The following ANKRD42 variants were observed in gnomAD, a reference collection of about 807,000 sequenced individuals.
ANKRD42 encodes ankyrin repeat domain-containing protein 42.
In ANKRD42, 43 loss-of-function variants were observed where a neutral mutation model predicts 51.5. The ratio of observed to expected loss-of-function variants is 0.83; its 90% CI spans 0.65 to 1.08. The LOEUF is 1.08. Ranked by LOEUF, ANKRD42 falls within the 50% of genes least tolerant of loss-of-function variation. The pLI is 0.00. For synonymous variants in ANKRD42, 203 were observed against 213.0 expected (o/e 0.95, Z 0.41); for missense variants, 608 against 629.3 (o/e 0.97, Z 0.36).
At chr11:83,249,620 T>C (rs887088736), downstream of ANKRD42, among the ~76,000 whole-genome samples, 1 of 152,234 alleles carries the variant, frequency 6.6e-6, no homozygotes, top group African/African-American at 2.4e-5. Context: ...GGTTTCATAC[T>C]TCACAGTTTT....
At chr11:83,227,631 G>T in intron 6 of ANKRD42, 116 bp from the exon 7 acceptor site, 1 of 1,069,540 alleles carries the variant, frequency 9.3e-7, no homozygotes, top group Non-Finnish European at 1.3e-6. Flanking sequence ...GAACTCATCC[G>T]ATTACAACAG....
chr11:83,233,972 G>A (rs551571150), intron 7 of ANKRD42, among the ~76,000 whole-genome samples: 29 of 152,264 alleles, frequency 1.9e-4, no homozygotes, highest in Admixed American at 1.2e-3. Context: ...CATGAGCCAC[G>A]GTGCCCGGCC....
intron 6 of ANKRD42, among the ~76,000 whole-genome samples, chr11:83,226,279 C>T (rs1426510991): frequency 6.6e-6 from 1 of 152,080 alleles, no homozygotes; most frequent in Admixed American, 6.6e-5. Flanking sequence ...TGATCCCTAG[C>T]ATATAGGTGA....
intron 8 of ANKRD42, among the ~76,000 whole-genome samples, chr11:83,236,739 G>A (rs1863236014): frequency 6.6e-6 from 1 of 152,140 alleles, no homozygotes; most frequent in Admixed American, 6.5e-5. Context: ...TCATGGGAGG[G>A]GTCTTTGGAA....
At chr11:83,254,290 T>A (rs1007024363) in intron 11 of ANKRD42, among the ~76,000 whole-genome samples, 1 of 152,064 alleles carries the variant, frequency 6.6e-6, no homozygotes, top group Non-Finnish European at 1.5e-5. Flanking sequence ...CTGGAAGTCA[T>A]AACTCTATTA....
At chr11:83,240,649 G>A (rs1389297291) in intron 8 of ANKRD42, 110 bp from the exon 9 acceptor site, 3 of 1,216,900 alleles carry the variant, frequency 2.5e-6, no homozygotes, top group Admixed American at 2.7e-5. Context: ...TGGCTGGTGA[G>A]TGGATTGATG....
At chr11:83,226,629 A>G (rs2135530233) in intron 6 of ANKRD42, among the ~76,000 whole-genome samples, 1 of 152,346 alleles carries the variant, frequency 6.6e-6, no homozygotes, top group South Asian at 2.1e-4. Flanking sequence ...AAACAGACAT[A>G]CAGATCAGTA....
rs11403803 is a variant in ANKRD42 at position 83,228,231 on chromosome 11, CTTTTTTTTTTTTTTTTTTTTTTT to C, written c.913+375_913+397del. On this transcript the variant is annotated intron_variant, in intron 7 of 10. Transcript: ENST00000533342. The stretch of plus-strand genomic sequence containing the variant: ...AAATAGAAATCATCCCTCTCTCTCT[CTTTTTTTTTTTTTTTTTTTTTTT>C]TTTTTTTTTTTTTTTAGACCGGGTC... 2.4e-3 allele frequency among the ~76,000 whole-genome samples: 142 copies of C among 59,022 alleles called. 1 individual carries two copies. Among genetic ancestry groups the C allele is most frequent in the Non-Finnish European group, 3.9e-3 (120 of 30,786 alleles). The allele number at this position is 59,022 out of a possible 152,430, so 38.7% of individuals were successfully genotyped here. A position where few individuals can be genotyped will look rare whatever the true frequency, so the allele number is the denominator to read the frequency against.
intron 6 of ANKRD42, 53 bp downstream of exon 6, chr11:83,225,108 A>G (rs1862836932): frequency 6.8e-7 from 1 of 1,479,086 alleles, no homozygotes; most frequent in Non-Finnish European, 9.3e-7. Flanking sequence ...GATGATGATG[A>G]TAATATAATG....
At chr11:83,218,915 G>T (rs1862626592) in intron 5 of ANKRD42, among the ~76,000 whole-genome samples, 1 of 152,234 alleles carries the variant, frequency 6.6e-6, no homozygotes, top group Admixed American at 6.5e-5. Context: ...GTAGAAGGGT[G>T]TTATAATTAA....
chr11:83,225,564 C>CAAA (rs34199371), intron 6 of ANKRD42, among the ~76,000 whole-genome samples: 1 of 136,258 alleles, frequency 7.3e-6, no homozygotes. Context: ...GACCCTGTCT[C>CAAA]AAAAAAAAAA....
At chr11:83,254,978 T>G (rs1270752370) in intron 11 of ANKRD42, among the ~76,000 whole-genome samples, 1 of 152,196 alleles carries the variant, frequency 6.6e-6, no homozygotes, top group African/African-American at 2.4e-5. Flanking sequence ...TGCATGGTTG[T>G]TTTTCCAGGC....
At chr11:83,227,184 C>T (rs1862912605) in intron 6 of ANKRD42, among the ~76,000 whole-genome samples, 1 of 152,158 alleles carries the variant, frequency 6.6e-6, no homozygotes, top group Non-Finnish European at 1.5e-5. Context: ...TCACTCTTGG[C>T]TCACTGCAAC....
At chr11:83,262,308 T>G (rs1040315144), downstream of ANKRD42, among the ~76,000 whole-genome samples, 2 of 152,154 alleles carry the variant, frequency 1.3e-5, no homozygotes, top group African/African-American at 4.8e-5. Context: ...TTTCTTATAT[T>G]AAAAAATTAC....
Position 83,248,869 on chromosome 11 carries a change from T to G in ANKRD42, c.*665T>G. ...CTATTTATCTGCAAACATGTATGTGTATTTCTATGCATATGCAAATATAAC... is the reference window on the plus strand; with the variant it reads ...CTATTTATCTGCAAACATGTATGTGGATTTCTATGCATATGCAAATATAAC... On this transcript the variant is annotated 3_prime_UTR_variant, in exon 11 of 11. Transcript: ENST00000533342. 1 of 983,220 alleles carries G rather than the reference T, an allele frequency of 1.0e-6. No individual in the cohort carries two copies. The highest frequency in any genetic ancestry group is 4.7e-5 in the South Asian group (1 of 21,238). 60.9% of individuals were successfully genotyped at this position (983,220 alleles called of 1,614,324 possible).
chr11:83,199,520 C>A (rs1395546329), intron 2 of ANKRD42, among the ~76,000 whole-genome samples: 1 of 152,018 alleles, frequency 6.6e-6, no homozygotes, highest in Non-Finnish European at 1.5e-5. Context: ...CAGAATTTAT[C>A]TGTTTTTGTA....
At chr11:83,213,457 A>G in intron 5 of ANKRD42, 1 of 1,413,722 alleles carries the variant, frequency 7.1e-7, no homozygotes, top group Non-Finnish European at 9.2e-7. Flanking sequence ...ACTGCAAAGA[A>G]AAACCAAAAA....
intron 1 of ANKRD42, among the ~76,000 whole-genome samples, chr11:83,196,491 C>G (rs1040497814): frequency 6.6e-6 from 1 of 151,844 alleles, no homozygotes; most frequent in African/African-American, 2.4e-5. Context: ...TCCTACTTGC[C>G]TTGGCAAACT....
At position 83,248,933 on chromosome 11, in the gene ANKRD42, T is replaced by C. The variant is rs913647189; in HGVS notation, c.*729T>C. The C allele has an allele frequency of 2.0e-6, 2 of 982,594 alleles. No homozygotes were observed. Among genetic ancestry groups the C allele is most frequent in the African/African-American group, 3.5e-5 (2 of 57,170 alleles). 60.9% of individuals were successfully genotyped at this position (982,594 alleles called of 1,614,324 possible). On this transcript the variant is annotated 3_prime_UTR_variant, in exon 11 of 11. Coordinates refer to ENST00000533342, the MANE Select transcript of ANKRD42 (RefSeq NM_001300975.2). ...TCTCTGGGTTTTGGTGTCTCACCAG[T>C]GGTTGATTTTCCAAGAAATATAATT... is the stretch of plus-strand genomic sequence containing the variant.
Sources: gnomAD v4.1 joint callset for allele counts (sites outside exome capture counted in the v4.1 genomes callset) on GRCh38, gnomAD v4.1.1 for gene constraint, MANE v1.5 for transcripts, NCBI Gene and HGNC (gene_info 2026-07-23, HGNC 2026-07-21) for gene names.